Variants in HEMK2 observed in about 807,000 individuals in gnomAD.
The protein encoded by HEMK2 is HemK methyltransferase 2, ETF1 glutamine and histone H4 lysine, also known as methyltransferase HEMK2.
At chr21:28,596,803 G>A in the HEMK2 span, among the ~76,000 whole-genome samples, 1 of 151,872 alleles carries the variant, frequency 6.6e-6, no homozygotes, top group African/African-American at 2.4e-5. Context: ...ATATATTACT[G>A]GGAATTTTAA....
At chr21:28,752,628 G>A in the HEMK2 span, among the ~76,000 whole-genome samples, 3 of 152,182 alleles carry the variant, frequency 2.0e-5, no homozygotes, top group South Asian at 6.2e-4. Flanking sequence ...ACAGCGAACA[G>A]AGCCCTGGGT....
the HEMK2 span, among the ~76,000 whole-genome samples, chr21:28,718,164 A>C: frequency 6.6e-6 from 1 of 152,062 alleles, no homozygotes; most frequent in Non-Finnish European, 1.5e-5. Context: ...TTTCTACCTT[A>C]AATTTTGTTG....
chr21:28,593,054 G>T, the HEMK2 span, among the ~76,000 whole-genome samples: 1 of 152,086 alleles, frequency 6.6e-6, no homozygotes, highest in Non-Finnish European at 1.5e-5. Flanking sequence ...ATATTAGCCA[G>T]GTGTAGTGGC....
At chr21:28,766,892 G>A in the HEMK2 span, among the ~76,000 whole-genome samples, 181 of 152,120 alleles carry the variant, frequency 1.2e-3, 1 homozygote, top group African/African-American at 4.0e-3. Context: ...CTATGTATTG[G>A]TTATACTGTA....
the HEMK2 span, among the ~76,000 whole-genome samples, chr21:28,713,716 T>G: frequency 6.6e-6 from 1 of 152,234 alleles, no homozygotes; most frequent in Non-Finnish European, 1.5e-5. Context: ...CTTTTCTGTC[T>G]GTTATTATCT....
chr21:28,708,557 G>C, the HEMK2 span, among the ~76,000 whole-genome samples: 1 of 152,182 alleles, frequency 6.6e-6, no homozygotes, highest in Non-Finnish European at 1.5e-5. Context: ...TGTACAGAAG[G>C]ATAGCTATGA....
the HEMK2 span, chr21:28,882,353 T>C: frequency 9.9e-5 from 79 of 796,680 alleles, no homozygotes; most frequent in Middle Eastern, 1.2e-3. Context: ...AGAACAGATT[T>C]AGAAAAAAAA....
At chr21:28,785,673 C>T in the HEMK2 span, among the ~76,000 whole-genome samples, 1 of 152,166 alleles carries the variant, frequency 6.6e-6, no homozygotes, top group South Asian at 2.1e-4. Flanking sequence ...GGTTAGCCTG[C>T]TGGAGAATAA....
chr21:28,785,608 T>G, the HEMK2 span, among the ~76,000 whole-genome samples: 1 of 152,172 alleles, frequency 6.6e-6, no homozygotes, highest in Non-Finnish European at 1.5e-5. Context: ...ATTGAAAAGG[T>G]GCGCATTTCT....
chr21:28,741,462 A>T, the HEMK2 span, among the ~76,000 whole-genome samples: 1 of 152,144 alleles, frequency 6.6e-6, no homozygotes, highest in African/African-American at 2.4e-5. Context: ...AACTTGTGTC[A>T]TGGGGGTTTG....
the HEMK2 span, among the ~76,000 whole-genome samples, chr21:28,757,048 T>A: frequency 6.6e-6 from 1 of 152,242 alleles, no homozygotes; most frequent in Non-Finnish European, 1.5e-5. Context: ...CTACTACACA[T>A]ACTGCTATTC....
At chr21:28,863,410 T>TTTTTTATATATA in the HEMK2 span, among the ~76,000 whole-genome samples, 1 of 38,938 alleles carries the variant, frequency 2.6e-5, no homozygotes, top group African/African-American at 7.0e-5. Flanking sequence ...AAACTCCCTT[T>TTTTTTATATATA]TATATATATA....
At chr21:28,590,288 C>G in the HEMK2 span, among the ~76,000 whole-genome samples, 58,552 of 151,944 alleles carry the variant, frequency 0.39, 11,687 homozygotes, top group Middle Eastern at 0.48. Context: ...AACTGGACAC[C>G]AGTGTAAGCG....
chr21:28,856,596 C>G, the HEMK2 span, among the ~76,000 whole-genome samples: 15 of 152,084 alleles, frequency 9.9e-5, no homozygotes, highest in African/African-American at 3.6e-4. Flanking sequence ...TCCAGGTATC[C>G]AGGTTGTCAC....
chr21:28,750,700 C>CAA, the HEMK2 span, among the ~76,000 whole-genome samples: 21,214 of 80,126 alleles, frequency 0.26, 2,947 homozygotes, highest in African/African-American at 0.42. Context: ...GGCTCCATCT[C>CAA]AAAAAAAAAA....
chr21:28,781,942 G>A, the HEMK2 span, among the ~76,000 whole-genome samples: 1 of 152,234 alleles, frequency 6.6e-6, no homozygotes, highest in Non-Finnish European at 1.5e-5. Context: ...TACCTCCAGA[G>A]TAAGGGTCAT....
chr21:28,579,351 G>T, the HEMK2 span, among the ~76,000 whole-genome samples: 1 of 152,016 alleles, frequency 6.6e-6, no homozygotes, highest in Non-Finnish European at 1.5e-5. Flanking sequence ...ATATATAATT[G>T]TATATTCTTC....
At chr21:28,877,297 G>GAAGGAAGGAAGGAAGGAAGA in the HEMK2 span, among the ~76,000 whole-genome samples, 55 of 126,574 alleles carry the variant, frequency 4.3e-4, 1 homozygote, top group African/African-American at 1.3e-3. Flanking sequence ...AGGAAGGAAG[G>GAAGGAAGGAAGGAAGGAAGA]AAGAGAGAGA....
At chr21:28,857,932 T>C in the HEMK2 span, among the ~76,000 whole-genome samples, 2 of 152,198 alleles carry the variant, frequency 1.3e-5, no homozygotes, top group Non-Finnish European at 2.9e-5. Context: ...GTGTCAGGTG[T>C]TAAGGTTGGC....
Sources: gnomAD v4.1 joint callset for allele counts (sites outside exome capture counted in the v4.1 genomes callset) on GRCh38, gnomAD v4.1.1 for gene constraint, MANE v1.5 for transcripts, NCBI Gene and HGNC (gene_info 2026-07-23, HGNC 2026-07-21) for gene names.